The following FER1L6 variants were observed in gnomAD, a reference collection of about 807,000 sequenced individuals.
FER1L6 encodes fer-1 like family member 6.
In FER1L6, 177 loss-of-function variants were observed where a neutral mutation model predicts 219.2. That is an observed-to-expected ratio of 0.81 (90% confidence interval 0.71 to 0.91). The LOEUF (loss-of-function observed/expected upper bound fraction) is 0.91, where lower values mean the gene tolerates loss of function less well. FER1L6 is among the 40% of genes least tolerant of loss of function. The pLI is 0.00. For synonymous variants in FER1L6, 768 were observed against 824.3 expected, an observed-to-expected ratio of 0.93 and a Z score of 1.17; for missense variants, 2,153 against 2,259.9, an observed-to-expected ratio of 0.95 and a Z score of 0.96.
intron 1 of FER1L6, among the ~76,000 whole-genome samples, chr8:123,877,469 T>C (rs1302099859): frequency 6.6e-6 from 1 of 152,126 alleles, no homozygotes; most frequent in Non-Finnish European, 1.5e-5. Context: ...TGTGGGGGCT[T>C]TGGGAGCCTG....
chr8:123,975,011 T>G, intron 7 of FER1L6, 139 bp from the exon 8 acceptor site: 2 of 674,006 alleles, frequency 3.0e-6, no homozygotes, highest in South Asian at 3.5e-5. Context: ...CAGCATGAGG[T>G]TTGGAAAAAA....
intron 19 of FER1L6, among the ~76,000 whole-genome samples, chr8:124,039,182 GCTTGT>G (rs2130723824): frequency 6.6e-6 from 1 of 152,274 alleles, no homozygotes; most frequent in South Asian, 2.1e-4. Context: ...TGATGTGGGT[GCTTGT>G]CTTATCTTCT....
intron 16 of FER1L6, 26 bp from the exon 17 acceptor site, chr8:124,021,524 C>T (rs754911728): frequency 2.5e-6 from 4 of 1,612,358 alleles, no homozygotes; most frequent in Non-Finnish European, 1.7e-6. Flanking sequence ...CTCGAAAGAC[C>T]CACACTGACT....
chr8:123,963,813 G>A (rs1321116053), intron 3 of FER1L6, among the ~76,000 whole-genome samples: 2 of 152,204 alleles, frequency 1.3e-5, no homozygotes, highest in African/African-American at 4.8e-5. Context: ...CCTTCTGCAT[G>A]CATTTTGCTA....
chr8:124,103,155 A>C lies in FER1L6; in HGVS notation c.5135A>C (p.Glu1712Ala), dbSNP rs1586344014. The C allele has an allele frequency of 6.2e-7, 1 of 1,613,978 alleles. No individual in the cohort carries two copies. The highest frequency in any genetic ancestry group is 8.5e-7 in the Non-Finnish European group (1 of 1,179,956). The change falls in exon 39 of 41, where the codon GAA (glutamate) becomes GCA (alanine). Residue 1712 changes from glutamate (E) to alanine (A), a missense_variant. Coordinates refer to ENST00000522917, the MANE Select transcript of FER1L6 (RefSeq NM_001039112.2). ...LSSDDFLGTLEMNLNSFPRAA... is the reference protein window; with the variant it reads ...LSSDDFLGTLAMNLNSFPRAA... ...GGTCATCTCTCCACAGGCACCCTGG[A>C]AATGAACCTCAACAGTTTCCCTCGA...
At chr8:123,895,806 T>G (rs1050303002) in intron 1 of FER1L6, among the ~76,000 whole-genome samples, 1 of 152,198 alleles carries the variant, frequency 6.6e-6, no homozygotes, top group Non-Finnish European at 1.5e-5. Flanking sequence ...CATTAACTAT[T>G]GTCTCGCCCA....
intron 12 of FER1L6, among the ~76,000 whole-genome samples, chr8:123,994,594 C>T (rs1817039227): frequency 6.6e-6 from 1 of 152,164 alleles, no homozygotes; most frequent in East Asian, 1.9e-4. Context: ...CATAAGCCTT[C>T]CCTGGTGGAG....
At chr8:124,020,982 G>C (rs1818431549) in intron 16 of FER1L6, among the ~76,000 whole-genome samples, 1 of 152,126 alleles carries the variant, frequency 6.6e-6, no homozygotes. Flanking sequence ...GTTCCACATG[G>C]CTAAGAGGCC....
intron 17 of FER1L6, among the ~76,000 whole-genome samples, chr8:124,022,191 T>G (rs1184594479): frequency 6.6e-6 from 1 of 152,246 alleles, no homozygotes; most frequent in Non-Finnish European, 1.5e-5. Flanking sequence ...CTGCTTCTGT[T>G]TTTCTTGAAA....
intron 1 of FER1L6, among the ~76,000 whole-genome samples, chr8:123,909,889 G>A (rs924987269): frequency 6.6e-6 from 1 of 152,164 alleles, no homozygotes; most frequent in African/African-American, 2.4e-5. Flanking sequence ...TTTGATTGTT[G>A]TTATCATAGT....
At chr8:124,071,708 G>A (rs1470680127) in intron 31 of FER1L6, 77 bp downstream of exon 31, 103 of 1,510,378 alleles carry the variant, frequency 6.8e-5, no homozygotes, top group Non-Finnish European at 8.8e-5. Context: ...GGCAGACTGG[G>A]AGGCTTAAAC....
intron 1 of FER1L6, among the ~76,000 whole-genome samples, chr8:123,869,425 C>T (rs142156307): frequency 1.3e-5 from 2 of 152,246 alleles, no homozygotes; most frequent in East Asian, 1.9e-4. Context: ...ATAGGAAATA[C>T]GTCTGAAGCT....
chr8:123,985,242 G>T (rs186864730), intron 11 of FER1L6: 1 of 152,300 alleles, frequency 6.6e-6, no homozygotes, highest in Non-Finnish European at 1.5e-5. Flanking sequence ...CAGGTAAAAT[G>T]TGGAGGTTGG....
rs183780827 is a variant in FER1L6, at chr8:123,938,839, C to T, written c.-7-17153C>T. On this transcript the variant is annotated intron_variant, in intron 1 of 40. Transcript: ENST00000522917. ...CTGAGATTGCAGGTGTGAGCCATGG[C>T]GCCCAGCCTTTACCTGTCTCTTGAG... Among the ~76,000 whole-genome samples, 142 of 152,230 alleles carry T rather than the reference C, an allele frequency of 9.3e-4. 3 individuals are homozygous for T. Among genetic ancestry groups the T allele is most frequent in the South Asian group, 2.1e-4 (1 of 4,818 alleles).
chr8:124,035,271 C>A lies in FER1L6; in HGVS notation c.2287-6C>A, dbSNP rs771890885. ...TAAGTCAGTCTTTTTTGTAACCTTT[C>A]TCCAGCCTCCTGGGAAACGACCGGC... On this transcript the variant is annotated splice_polypyrimidine_tract_variant and splice_region_variant and intron_variant, in intron 18 of 40. Coordinates refer to ENST00000522917, the MANE Select transcript of FER1L6 (RefSeq NM_001039112.2). 1.2e-6 allele frequency: 2 copies of A among 1,611,226 alleles called. No individual in the cohort carries two copies. The highest frequency in any genetic ancestry group is 1.7e-6 in the Non-Finnish European group (2 of 1,178,836).
rs1816815435 is a variant in FER1L6, at chr8:123,865,350, A to C, written c.-8+13165A>C. On this transcript the variant is annotated intron_variant, in intron 1 of 40. Coordinates refer to ENST00000522917, the MANE Select transcript of FER1L6 (RefSeq NM_001039112.2). ...GCAGTCTGCCCGTTCTCAGATCTCC[A>C]GCTGCGTGCTGGGAGAACCACTGCT... Among the ~76,000 whole-genome samples, 2 of 149,712 alleles carry C rather than the reference A, an allele frequency of 1.3e-5. 1 individual carries two copies. Among genetic ancestry groups the C allele is most frequent in the African/African-American group, 5.1e-5 (2 of 39,480 alleles).
intron 3 of FER1L6, among the ~76,000 whole-genome samples, chr8:123,963,973 G>A (rs184065453): frequency 6.6e-6 from 1 of 152,342 alleles, no homozygotes; most frequent in Non-Finnish European, 1.5e-5. Context: ...TCATTTGGCA[G>A]CTCTGCTGGT....
At chr8:123,947,445 A>T (rs1814550534) in intron 1 of FER1L6, among the ~76,000 whole-genome samples, 2 of 152,122 alleles carry the variant, frequency 1.3e-5, no homozygotes, top group Admixed American at 1.3e-4. Flanking sequence ...TATTAGGATT[A>T]TTATCTTTTG....
chr8:123,913,400 GA>G (rs1315951679), intron 1 of FER1L6, among the ~76,000 whole-genome samples: 1 of 152,024 alleles, frequency 6.6e-6, no homozygotes, highest in East Asian at 1.9e-4. Context: ...ATTCCTAAGA[GA>G]AAGAAAATAG....
Sources: gnomAD v4.1 joint callset for allele counts (sites outside exome capture counted in the v4.1 genomes callset) on GRCh38, gnomAD v4.1.1 for gene constraint, MANE v1.5 for transcripts, NCBI Gene and HGNC (gene_info 2026-07-23, HGNC 2026-07-21) for gene names.